GPHN: variants seen among roughly 807,000 people sequenced by gnomAD.
GPHN encodes the protein gephyrin.
GPHN carries 17 observed loss-of-function variants against 95.5 expected under a neutral mutation model. That is an observed-to-expected ratio of 0.18 (90% CI 0.12 to 0.27). The LOEUF is 0.27. GPHN is among the 10% of genes least tolerant of loss of function. The pLI is 1.00. For missense variants in GPHN, 660 were observed against 978.1 expected, an observed-to-expected ratio of 0.67 and a Z score of 4.34; for synonymous variants, 320 against 322.5, an observed-to-expected ratio of 0.99 and a Z score of 0.08.
the GPHN span, among the ~76,000 whole-genome samples, chr14:67,388,914 A>G: frequency 6.6e-6 from 1 of 152,034 alleles, no homozygotes; most frequent in Non-Finnish European, 1.5e-5. Context: ...CCTGACCTCA[A>G]GTGATCTGCC....
At chr14:67,412,128 G>C in the GPHN span, 1 of 1,330,704 alleles carries the variant, frequency 7.5e-7, no homozygotes, top group Non-Finnish European at 9.8e-7. Context: ...CGGCACCCGC[G>C]CAGCCCGCGC....
At chr14:66,711,534 C>A (rs978785612) in intron 2 of GPHN, among the ~76,000 whole-genome samples, 5 of 149,290 alleles carry the variant, frequency 3.3e-5, no homozygotes, top group Non-Finnish European at 5.9e-5. Context: ...ATAATGACTT[C>A]TTTTCCTCTG....
At chr14:66,930,965 TTTC>T (rs2066759621) in intron 8 of GPHN, among the ~76,000 whole-genome samples, 1 of 152,240 alleles carries the variant, frequency 6.6e-6, no homozygotes, top group Admixed American at 6.5e-5. Flanking sequence ...CTTCAGATGA[TTTC>T]TTATTTCTCT....
At chr14:66,530,534 C>T (rs1349304360) in intron 1 of GPHN, among the ~76,000 whole-genome samples, 2 of 152,128 alleles carry the variant, frequency 1.3e-5, no homozygotes, top group African/African-American at 4.8e-5. Flanking sequence ...AGCTAGCTCG[C>T]TGTCTGTCCA....
intron 11 of GPHN, among the ~76,000 whole-genome samples, chr14:67,086,929 T>C (rs1202399149): frequency 6.7e-6 from 1 of 149,030 alleles, no homozygotes; most frequent in Non-Finnish European, 1.5e-5. Context: ...TCCCAGCTAC[T>C]CGGGAGGCTG....
chr14:66,812,079 A>C (rs1218880476), intron 3 of GPHN, among the ~76,000 whole-genome samples: 1 of 152,178 alleles, frequency 6.6e-6, no homozygotes, highest in Non-Finnish European at 1.5e-5. Flanking sequence ...GTTTGGGAAA[A>C]CTATAGCTAC....
At chr14:67,479,779 A>C in the GPHN span, among the ~76,000 whole-genome samples, 1 of 152,222 alleles carries the variant, frequency 6.6e-6, no homozygotes, top group Non-Finnish European at 1.5e-5. Flanking sequence ...TACCTCGTGT[A>C]TAGAAGGTGT....
At chr14:66,904,825 G>A (rs997735750) in intron 5 of GPHN, among the ~76,000 whole-genome samples, 3 of 152,094 alleles carry the variant, frequency 2.0e-5, no homozygotes, top group African/African-American at 7.2e-5. Context: ...GGTTCCATTG[G>A]TAAGACATCT....
the GPHN span, among the ~76,000 whole-genome samples, chr14:67,193,114 ATCTC>A: frequency 9.0e-5 from 13 of 144,162 alleles, no homozygotes; most frequent in Non-Finnish European, 1.4e-4. Flanking sequence ...CTATATAGAT[ATCTC>A]TCTATATATC....
chr14:67,521,466 G>T, the GPHN span, among the ~76,000 whole-genome samples: 1 of 152,316 alleles, frequency 6.6e-6, no homozygotes, highest in East Asian at 1.9e-4. Flanking sequence ...ATATGTCCAT[G>T]TGGGAAAGGG....
At chr14:67,670,685 C>T in the GPHN span, among the ~76,000 whole-genome samples, 1 of 152,088 alleles carries the variant, frequency 6.6e-6, no homozygotes, top group Non-Finnish European at 1.5e-5. Flanking sequence ...CATGCCACCA[C>T]ACCCAGCTAA....
At chr14:66,710,946 T>C (rs2069557275) in intron 2 of GPHN, among the ~76,000 whole-genome samples, 1 of 152,212 alleles carries the variant, frequency 6.6e-6, no homozygotes, top group Non-Finnish European at 1.5e-5. Context: ...ATAATTTGAG[T>C]TACATACTCT....
chr14:67,300,215 T>C, the GPHN span, among the ~76,000 whole-genome samples: 2 of 152,180 alleles, frequency 1.3e-5, no homozygotes, highest in Admixed American at 1.3e-4. Context: ...CCACTTGCTG[T>C]GGTAAAATTA....
chr14:66,664,813 G>A (rs948885525), intron 1 of GPHN, among the ~76,000 whole-genome samples: 9 of 151,354 alleles, frequency 5.9e-5, no homozygotes, highest in Non-Finnish European at 1.2e-4. Flanking sequence ...AGGAATACAA[G>A]CAACCATCAG....
the GPHN span, among the ~76,000 whole-genome samples, chr14:67,603,242 G>C: frequency 1.3e-5 from 2 of 152,038 alleles, no homozygotes; most frequent in Admixed American, 6.5e-5. Context: ...GCTAATTTTT[G>C]CATATTTTGT....
chr14:67,431,686 C>T, the GPHN span, among the ~76,000 whole-genome samples: 1 of 151,824 alleles, frequency 6.6e-6, no homozygotes, highest in African/African-American at 2.4e-5. Context: ...AGTGAGACCC[C>T]AACTCAACAA....
chr14:66,843,277 T>C (rs907478970), intron 4 of GPHN, among the ~76,000 whole-genome samples: 1 of 152,210 alleles, frequency 6.6e-6, no homozygotes, highest in African/African-American at 2.4e-5. Flanking sequence ...CCCAGCATTA[T>C]CTATCTGCTC....
chr14:66,826,117 A>T (rs1365059883), intron 4 of GPHN, among the ~76,000 whole-genome samples: 1 of 152,184 alleles, frequency 6.6e-6, no homozygotes, highest in African/African-American at 2.4e-5. Flanking sequence ...AAAAAATTTC[A>T]CCAGAAAATT....
intron 1 of GPHN, among the ~76,000 whole-genome samples, chr14:66,550,366 G>A (rs2059766356): frequency 6.6e-6 from 1 of 152,218 alleles, no homozygotes; most frequent in Non-Finnish European, 1.5e-5. Context: ...TAGAGATGGA[G>A]CCTGAAGATG....
Sources: gnomAD v4.1 joint callset for allele counts (sites outside exome capture counted in the v4.1 genomes callset) on GRCh38, gnomAD v4.1.1 for gene constraint, MANE v1.5 for transcripts, NCBI Gene and HGNC (gene_info 2026-07-23, HGNC 2026-07-21) for gene names.